Variants in JAM3 observed in about 807,000 individuals in gnomAD.
The protein encoded by JAM3 is junctional adhesion molecule C.
Under a neutral mutation model 39.4 loss-of-function variants are expected in JAM3, and 31 were observed. That is an observed-to-expected ratio of 0.79 (90% CI 0.59 to 1.06). The LOEUF (loss-of-function observed/expected upper bound fraction) is 1.06, where lower values mean the gene tolerates loss of function less well. JAM3 is among the 50% of genes least tolerant of loss of function. The pLI is 0.00. For synonymous variants in JAM3, 182 were observed against 148.7 expected, an observed-to-expected ratio of 1.22 and a Z score of -1.63; for missense variants, 455 against 391.4, an observed-to-expected ratio of 1.16 and a Z score of -1.37.
In JAM3 at chr11:134,148,746, G is replaced by T. The variant is rs532937108; in HGVS notation, c.843-18G>T. On this transcript the variant is annotated intron_variant, in intron 7 of 8. Coordinates refer to ENST00000299106, the MANE Select transcript of JAM3 (RefSeq NM_032801.5). Reference sequence around the variant, plus strand: ...AATATAACAACCCTGTTGCTAAACTGCTCTCTTCTCCTCATAGTTACAAGA... The same window carrying T: ...AATATAACAACCCTGTTGCTAAACTTCTCTCTTCTCCTCATAGTTACAAGA... 5 of 1,614,104 alleles carry T rather than the reference G, an allele frequency of 3.1e-6. No homozygotes were observed. The South Asian group carries it at 5.5e-5, about 18-fold the overall frequency.
intron 1 of JAM3, among the ~76,000 whole-genome samples, chr11:134,109,087 G>T (rs1340903241): frequency 2.6e-5 from 4 of 152,086 alleles, no homozygotes; most frequent in Non-Finnish European, 2.9e-5. Context: ...CTCCCGTGTA[G>T]CTGGGACTAC....
chr11:134,134,399 A>AAAAAAC (rs1942824576), intron 1 of JAM3, among the ~76,000 whole-genome samples: 1 of 35,490 alleles, frequency 2.8e-5, no homozygotes, highest in Admixed American at 3.2e-4. Context: ...GATAAATGCC[A>AAAAAAC]AAAAAAAAAA....
chr11:134,142,807 C>G (rs1317721310), intron 3 of JAM3, among the ~76,000 whole-genome samples: 1 of 152,128 alleles, frequency 6.6e-6, no homozygotes, highest in African/African-American at 2.4e-5. Context: ...TCTGATTCCA[C>G]TTTCTGTCTC....
intron 1 of JAM3, among the ~76,000 whole-genome samples, chr11:134,091,966 A>G (rs1403729082): frequency 1.3e-5 from 2 of 152,034 alleles, no homozygotes; most frequent in Admixed American, 6.6e-5. Context: ...TATTTGTAAT[A>G]TATCTACTTC....
chr11:134,109,393 A>G (rs1022771713), intron 1 of JAM3, among the ~76,000 whole-genome samples: 1 of 152,240 alleles, frequency 6.6e-6, no homozygotes, highest in Admixed American at 6.5e-5. Context: ...GGACATTAAC[A>G]TTTATGTCAG....
rs531461301 is a variant in JAM3 at position 134,111,578 on chromosome 11, G to A, written c.77-28273G>A. On this transcript the variant is annotated intron_variant, in intron 1 of 8. Coordinates refer to ENST00000299106, the MANE Select transcript of JAM3 (RefSeq NM_032801.5). ...GATGTTAGGGAAGGATCATTGCATGGTATGACAAGAATCAGAGTTTCTCAG... is the reference window on the plus strand; with the variant it reads ...GATGTTAGGGAAGGATCATTGCATGATATGACAAGAATCAGAGTTTCTCAG... 1.2e-4 allele frequency among the ~76,000 whole-genome samples: 19 copies of A among 152,254 alleles called. 1 individual carries two copies. In the South Asian group the frequency reaches 1.7e-3, roughly 13 times the overall value.
chr11:134,111,608 C>T (rs972552434), intron 1 of JAM3, among the ~76,000 whole-genome samples: 5 of 152,114 alleles, frequency 3.3e-5, no homozygotes, highest in Non-Finnish European at 7.4e-5. Context: ...TCTCAGCATT[C>T]AGTTTTTGGC....
Position 134,112,907 on chromosome 11 carries a change from C to A in JAM3, c.77-26944C>A, listed in dbSNP as rs540362421. ...TTGTCTCATTTGAGGTCTGAAGCCA[C>A]AGACCAAAGAGAAAGTTATATATGC... On this transcript the variant is annotated intron_variant, in intron 1 of 8. Coordinates refer to ENST00000299106, the MANE Select transcript of JAM3 (RefSeq NM_032801.5). 2.0e-5 allele frequency among the ~76,000 whole-genome samples: 3 copies of A among 152,270 alleles called. No individual in the cohort carries two copies. The South Asian group carries it at 6.2e-4, about 32-fold the overall frequency.
intron 1 of JAM3, among the ~76,000 whole-genome samples, chr11:134,084,157 A>G (rs1311865779): frequency 1.3e-5 from 2 of 152,098 alleles, no homozygotes; most frequent in African/African-American, 4.8e-5. Context: ...TTCTTTTGTT[A>G]TCATGGCCTG....
intron 1 of JAM3, among the ~76,000 whole-genome samples, chr11:134,092,434 C>T (rs1428852610): frequency 1.1e-5 from 1 of 94,544 alleles, no homozygotes; most frequent in Non-Finnish European, 2.1e-5. Context: ...AACGTCACTT[C>T]CTGAGGGAAG....
intron 1 of JAM3, among the ~76,000 whole-genome samples, chr11:134,114,188 T>C (rs968924623): frequency 2.0e-5 from 3 of 152,252 alleles, no homozygotes; most frequent in African/African-American, 4.8e-5. Flanking sequence ...GCAGAAGCTC[T>C]TTAGTTTTAA....
At chr11:134,124,988 A>G (rs961322015) in intron 1 of JAM3, among the ~76,000 whole-genome samples, 1 of 151,674 alleles carries the variant, frequency 6.6e-6, no homozygotes, top group Non-Finnish European at 1.5e-5. Context: ...GGCAGCGGCG[A>G]CGACACCCCC....
Position 134,149,582 on chromosome 11 carries a change from G to GGT in JAM3, c.*403_*404dup, listed in dbSNP as rs1565508500. 6.3e-6 allele frequency: 3 copies of GGT among 473,454 alleles called. No individual in the cohort carries two copies. The highest frequency in any genetic ancestry group is 1.3e-5 in the Non-Finnish European group (3 of 238,720). The allele number at this position is 473,454 out of a possible 1,614,324, so 29.3% of individuals were successfully genotyped here. On this transcript the variant is annotated 3_prime_UTR_variant, in exon 9 of 9. Coordinates refer to ENST00000299106, the MANE Select transcript of JAM3 (RefSeq NM_032801.5). ...ACGACAGCACCATGTGAGATGGCGA[G>GGT]GTGGCTGGACAGCACCAGCAGCGCA...
chr11:134,124,439 CTAT>C (rs1209972680), intron 1 of JAM3: 20 of 533,524 alleles, frequency 3.7e-5, no homozygotes, highest in Admixed American at 2.7e-4. Flanking sequence ...ACTAAAATGC[CTAT>C]TATCAATCAG....
rs56314223 is a variant in JAM3 at position 134,149,655 on chromosome 11, A to G, written c.*474A>G. On this transcript the variant is annotated 3_prime_UTR_variant, in exon 9 of 9. Coordinates refer to ENST00000299106, the MANE Select transcript of JAM3 (RefSeq NM_032801.5). Reference sequence around the variant, plus strand: ...GCTTCTTACACAGCAGCCTTACTTCATCGGCCCACAGACACCACCGCAGTT... The same window carrying G: ...GCTTCTTACACAGCAGCCTTACTTCGTCGGCCCACAGACACCACCGCAGTT... The G allele has an allele frequency of 7.0e-4, 320 of 457,864 alleles. 1 individual carries two copies. The highest frequency in any genetic ancestry group is 6.1e-3 in the African/African-American group (308 of 50,280). 28.4% of individuals were successfully genotyped at this position (457,864 alleles called of 1,614,324 possible). A position where few individuals can be genotyped will look rare whatever the true frequency, so the allele number is the denominator to read the frequency against.
intron 1 of JAM3, among the ~76,000 whole-genome samples, chr11:134,105,715 A>G (rs1393241174): frequency 8.4e-6 from 1 of 119,352 alleles, no homozygotes; most frequent in Non-Finnish European, 1.7e-5. Context: ...ATAATAGACA[A>G]ACAGCCAAAT....
At chr11:134,119,848 C>G (rs1388811295) in intron 1 of JAM3, among the ~76,000 whole-genome samples, 3 of 152,176 alleles carry the variant, frequency 2.0e-5, no homozygotes, top group Non-Finnish European at 4.4e-5. Flanking sequence ...TTGGTTGGGT[C>G]TTTTTGTACT....
chr11:134,151,122 G>T lies in JAM3; in HGVS notation c.*1941G>T, dbSNP rs1208385788. 1.3e-5 allele frequency: 2 copies of T among 152,274 alleles called. No homozygotes were observed. Among genetic ancestry groups the T allele is most frequent in the Non-Finnish European group, 2.9e-5 (2 of 68,054 alleles). The allele number at this position is 152,274 out of a possible 1,614,324, so 9.4% of individuals were successfully genotyped here. On this transcript the variant is annotated 3_prime_UTR_variant, in exon 9 of 9. Transcript: ENST00000299106. ...GAAGGAGCACTCCACTGTGTGCCTG[G>T]AGAATGGCTCTCACTACTCACCTTG...
At chr11:134,075,172 A>T (rs898746998) in intron 1 of JAM3, among the ~76,000 whole-genome samples, 1 of 152,170 alleles carries the variant, frequency 6.6e-6, no homozygotes, top group African/African-American at 2.4e-5. Context: ...CAGAGGGAAC[A>T]TATAGTTTAG....
Sources: allele counts gnomAD v4.1 joint callset (sites outside exome capture counted in the v4.1 genomes callset), GRCh38; gene constraint gnomAD v4.1.1; transcripts MANE v1.5; gene names NCBI Gene and HGNC (gene_info 2026-07-23, HGNC 2026-07-21).